GPR139: variants seen among roughly 807,000 people sequenced by gnomAD.
The protein encoded by GPR139 is G protein-coupled receptor 139, also known as probable G protein-coupled receptor 139.
A neutral mutation model predicts 25.8 loss-of-function variants in GPR139; 12 were observed. The observed-to-expected ratio is 0.47, with a 90% CI of 0.30 to 0.75. GPR139 has a LOEUF of 0.75. Among genes scored for constraint, GPR139 ranks in the 30% least tolerant of loss-of-function variants. GPR139 has a pLI of 0.07. For missense variants in GPR139, 380 were observed against 450.2 expected (o/e 0.84, Z 1.41); for synonymous variants, 184 against 179.9 (o/e 1.02, Z -0.18).
At chr16:20,054,276 A>C (rs929811885) in intron 1 of GPR139, among the ~76,000 whole-genome samples, 3 of 152,214 alleles carry the variant, frequency 2.0e-5, no homozygotes, top group Non-Finnish European at 4.4e-5. Flanking sequence ...CTAGTAAAAT[A>C]CTATTGGTAA....
At chr16:20,055,219 G>C (rs997500556) in intron 1 of GPR139, among the ~76,000 whole-genome samples, 1 of 152,176 alleles carries the variant, frequency 6.6e-6, no homozygotes, top group Non-Finnish European at 1.5e-5. Context: ...TTCTGTTCCT[G>C]TGTTAGTTTG....
chr16:20,045,348 T>G (rs1012581966), intron 1 of GPR139, among the ~76,000 whole-genome samples: 20 of 152,214 alleles, frequency 1.3e-4, no homozygotes, highest in African/African-American at 4.8e-4. Context: ...TAGCTACTAT[T>G]AATATCCTTA....
chr16:20,028,758 C>G lies in GPR139; in HGVS notation c.*2977G>C, dbSNP rs2057276550. Among the ~76,000 whole-genome samples the G allele has an allele frequency of 6.6e-6, 1 of 152,098 alleles. No homozygotes were observed. The highest frequency in any genetic ancestry group is 1.5e-5 in the Non-Finnish European group (1 of 68,026). On this transcript the variant is annotated 3_prime_UTR_variant, in exon 2 of 2. Transcript: ENST00000570682. Reference sequence around the variant, plus strand: ...AATAAAAAGACACAGCATGGTGGTGCGTATCATCATTGCAATGTCCAACCA... The same window carrying G: ...AATAAAAAGACACAGCATGGTGGTGGGTATCATCATTGCAATGTCCAACCA...
intron 1 of GPR139, among the ~76,000 whole-genome samples, chr16:20,035,902 G>C (rs1313463697): frequency 6.6e-6 from 1 of 152,176 alleles, no homozygotes; most frequent in African/African-American, 2.4e-5. Flanking sequence ...CTGTTGAAAA[G>C]CATTTCAAAA....
At chr16:20,050,804 G>A (rs1368443488) in intron 1 of GPR139, among the ~76,000 whole-genome samples, 2 of 152,202 alleles carry the variant, frequency 1.3e-5, no homozygotes, top group Non-Finnish European at 2.9e-5. Context: ...GCTCATGCCT[G>A]TAATCCCAGC....
rs1567239793 is a variant in GPR139 at position 20,061,059 on chromosome 16, CTCTGTGTGTG to C, written c.127+12421_127+12430del. ...GGGTTTCTGATCATGCTAGTCTTTC[CTCTGTGTGTG>C]TGTGTGTGTGTGTGTTGTGTGTAAA... is the stretch of plus-strand genomic sequence containing the variant. On this transcript the variant is annotated intron_variant, in intron 1 of 1. Transcript: ENST00000570682. Among the ~76,000 whole-genome samples, 5 of 77,364 alleles carry C rather than the reference CTCTGTGTGTG, an allele frequency of 6.5e-5. 1 individual carries two copies. The South Asian group carries it at 8.6e-4, about 13-fold the overall frequency. 50.8% of individuals were successfully genotyped at this position (77,364 alleles called of 152,430 possible).
chr16:20,040,223 A>G (rs991334959), intron 1 of GPR139, among the ~76,000 whole-genome samples: 1 of 152,220 alleles, frequency 6.6e-6, no homozygotes, highest in East Asian at 1.9e-4. Context: ...AGAAGCAAGA[A>G]CCACCCAGCA....
At chr16:20,064,039 T>C (rs1015173550) in intron 1 of GPR139, among the ~76,000 whole-genome samples, 1 of 152,196 alleles carries the variant, frequency 6.6e-6, no homozygotes, top group African/African-American at 2.4e-5. Flanking sequence ...GAAAACTGCC[T>C]TATAAAATCA....
intron 1 of GPR139, among the ~76,000 whole-genome samples, chr16:20,052,359 C>T (rs1377530211): frequency 2.0e-5 from 3 of 152,214 alleles, no homozygotes; most frequent in African/African-American, 7.2e-5. Flanking sequence ...GTAGAAAAAG[C>T]CAGCAGTTCT....
Position 20,031,555 on chromosome 16 carries a change from C to A in GPR139, c.*180G>T. ...AAATAAATGCATAAGTAAAAACAAG[C>A]TTCATGCTCTCCTTTCTTCTCTTCC... On this transcript the variant is annotated 3_prime_UTR_variant, in exon 2 of 2. Transcript: ENST00000570682. 1 of 605,068 alleles carries A rather than the reference C, an allele frequency of 1.7e-6. No homozygotes were observed. 37.5% of individuals were successfully genotyped at this position (605,068 alleles called of 1,614,324 possible). A position where few individuals can be genotyped will look rare whatever the true frequency, so the allele number is the denominator to read the frequency against.
intron 1 of GPR139, among the ~76,000 whole-genome samples, chr16:20,068,959 C>T (rs2057448319): frequency 6.6e-6 from 1 of 151,480 alleles, no homozygotes; most frequent in African/African-American, 2.4e-5. Flanking sequence ...TGTTGTATTC[C>T]TGGGATAAAC....
In GPR139 at chr16:20,073,605, C is replaced by A; in HGVS notation, c.12G>T (p.Thr4=). MEH[T]HAHLAANSSL... ...AGCTGTTGGCTGCGAGGTGGGCGTG[C>A]GTGTGCTCCATGAGCGCGCCCCTCG... Residue 4 remains threonine, a synonymous_variant, in exon 1 of 2, where the codon ACG becomes ACT. Coordinates refer to ENST00000570682, the MANE Select transcript of GPR139 (RefSeq NM_001002911.4). This position sits in a 1 kb window ranked among gnomAD's most constrained non-coding sequence, Gnocchi z 4.7. The A allele has an allele frequency of 6.2e-7, 1 of 1,607,654 alleles. No homozygotes were observed.
intron 1 of GPR139, among the ~76,000 whole-genome samples, chr16:20,052,103 C>T (rs926655304): frequency 3.9e-5 from 6 of 152,226 alleles, no homozygotes; most frequent in African/African-American, 1.4e-4. Flanking sequence ...TTCAAGCTCC[C>T]TAAACAAACC....
At chr16:20,066,401 T>C (rs2057434200) in intron 1 of GPR139, among the ~76,000 whole-genome samples, 1 of 152,254 alleles carries the variant, frequency 6.6e-6, no homozygotes, top group Admixed American at 6.5e-5. Context: ...TCTAGGAGTT[T>C]CACTGAATCA....
chr16:20,041,820 A>G (rs2057337665), intron 1 of GPR139, among the ~76,000 whole-genome samples: 1 of 152,180 alleles, frequency 6.6e-6, no homozygotes, highest in East Asian at 1.9e-4. Flanking sequence ...TTCTTCCTGC[A>G]GTTGGTTAGT....
chr16:20,069,860 G>A (rs543536468), intron 1 of GPR139, among the ~76,000 whole-genome samples: 52 of 152,178 alleles, frequency 3.4e-4, no homozygotes, highest in Non-Finnish European at 5.9e-4. Flanking sequence ...TCTCATTCCA[G>A]TTGGTCCAAT....
At chr16:20,048,148 A>G (rs1339502834) in intron 1 of GPR139, among the ~76,000 whole-genome samples, 1 of 152,224 alleles carries the variant, frequency 6.6e-6, no homozygotes, top group African/African-American at 2.4e-5. Flanking sequence ...CATTGCAGAG[A>G]AGCAAAAGGC....
chr16:20,052,664 G>A (rs1244886829), intron 1 of GPR139, among the ~76,000 whole-genome samples: 1 of 152,016 alleles, frequency 6.6e-6, no homozygotes, highest in African/African-American at 2.4e-5. Context: ...GGGCGTGGTG[G>A]CGGGCACCAG....
Position 20,031,972 on chromosome 16 carries a change from A to C in GPR139, c.825T>G (p.Leu275=), listed in dbSNP as rs772899826. 1.9e-6 allele frequency: 3 copies of C among 1,614,156 alleles called. No individual in the cohort carries two copies. The East Asian group carries it at 6.7e-5, about 36-fold the overall frequency. ...IMSDIANMLA[L]LNTAINFFLY... is the part of the protein sequence containing the mutation. ...GGAAGAAGTTGATGGCTGTGTTCAG[A>C]AGGGCTAGCATGTTGGCAATGTCGG... The change falls in exon 2 of 2, where the codon CTT becomes CTG. Residue 275 remains leucine (L), a synonymous_variant. Transcript: ENST00000570682.
Sources: allele counts gnomAD v4.1 joint callset (sites outside exome capture counted in the v4.1 genomes callset), GRCh38; gene constraint gnomAD v4.1.1; non-coding constraint Gnocchi (gnomAD v3.1); transcripts MANE v1.5; gene names NCBI Gene and HGNC (gene_info 2026-07-23, HGNC 2026-07-21).